Variants in DNM2 observed in about 807,000 individuals in gnomAD.
DNM2 encodes dynamin 2, also known as dynamin-2.
In DNM2, 15 loss-of-function variants were observed where a neutral mutation model predicts 99.0. That is an observed-to-expected ratio of 0.15 (90% confidence interval 0.10 to 0.23). The LOEUF is 0.23. Ranked by LOEUF, DNM2 falls within the 10% of genes least tolerant of loss-of-function variation. The pLI, the probability that DNM2 is intolerant of heterozygous loss-of-function variation, is 1.00. For synonymous variants in DNM2, 525 were observed against 481.2 expected, an observed-to-expected ratio of 1.09 and a Z score of -1.19; for missense variants, 742 against 1,189.4, an observed-to-expected ratio of 0.62 and a Z score of 5.53.
rs1409162046 is a variant in DNM2, at chr19:10,817,823, G to A, written c.1672-2157G>A. ...CACGTGTGTGTGTGTGTGTGCGCGC[G>A]CGCGCACGCGTGCGTGCCGGCAGCA... On this transcript the variant is annotated intron_variant, in intron 15 of 20. Coordinates refer to ENST00000389253, the MANE Select transcript of DNM2 (RefSeq NM_001005361.3). The surrounding 1 kb of genome is among the most constrained non-coding windows in gnomAD (Gnocchi z 4.6). Among the ~76,000 whole-genome samples the A allele has an allele frequency of 4.0e-5, 6 of 150,026 alleles. No homozygotes were observed. Among genetic ancestry groups the A allele is most frequent in the Non-Finnish European group, 5.9e-5 (4 of 67,328 alleles).
chr19:10,734,704 G>A (rs952240517), intron 1 of DNM2, among the ~76,000 whole-genome samples: 1 of 146,846 alleles, frequency 6.8e-6, no homozygotes, highest in African/African-American at 2.5e-5. Context: ...TTTCCCATAT[G>A]AGACTAATTT....
intron 1 of DNM2, among the ~76,000 whole-genome samples, chr19:10,731,901 C>A (rs879267322): frequency 6.6e-6 from 1 of 152,074 alleles, no homozygotes; most frequent in South Asian, 2.1e-4. Context: ...GGTGGGGAGG[C>A]CCCACCTGGA....
intron 7 of DNM2, among the ~76,000 whole-genome samples, chr19:10,787,302 C>CA (rs563551450): frequency 1.5e-4 from 22 of 147,688 alleles, no homozygotes; most frequent in African/African-American, 2.5e-4. Context: ...CCATCACTAC[C>CA]AAAAAAAAAA....
At chr19:10,754,472 T>C (rs926455272) in intron 1 of DNM2, among the ~76,000 whole-genome samples, 6 of 152,100 alleles carry the variant, frequency 3.9e-5, no homozygotes, top group Admixed American at 1.3e-4. Context: ...AGGATGGTCT[T>C]GATCTGCTGA....
chr19:10,781,769 A>G (rs1279246246), intron 5 of DNM2: 1 of 152,152 alleles, frequency 6.6e-6, no homozygotes, highest in African/African-American at 2.4e-5. Context: ...AACCCCACAA[A>G]ACAAAAACCT....
intron 16 of DNM2, 158 bp from the exon 17 acceptor site, chr19:10,823,630 C>T (rs896476247): frequency 4.5e-6 from 3 of 669,914 alleles, no homozygotes; most frequent in Admixed American, 2.2e-5. Context: ...TCTGTGTAGG[C>T]GTCACTCACG....
chr19:10,785,344 G>A (rs1328217883), intron 6 of DNM2, among the ~76,000 whole-genome samples: 1 of 151,502 alleles, frequency 6.6e-6, no homozygotes, highest in Non-Finnish European at 1.5e-5. Flanking sequence ...AGCTGGGATG[G>A]TCTTGATCTC....
At chr19:10,741,107 A>G (rs1248851243) in intron 1 of DNM2, among the ~76,000 whole-genome samples, 2 of 151,606 alleles carry the variant, frequency 1.3e-5, no homozygotes, top group Non-Finnish European at 2.9e-5. Context: ...CGTATTTTCT[A>G]TTTCCTTGTT....
intron 6 of DNM2, among the ~76,000 whole-genome samples, chr19:10,785,854 A>G (rs1189439603): frequency 1.3e-5 from 2 of 151,790 alleles, no homozygotes; most frequent in Non-Finnish European, 2.9e-5. Flanking sequence ...TCTGTCACCC[A>G]GGCTGGAGTG....
At position 10,775,508 on chromosome 19, in the gene DNM2, G is replaced by A. The variant is rs1017803196; in HGVS notation, c.386-195G>A. On this transcript the variant is annotated intron_variant, in intron 3 of 20. Transcript: ENST00000389253. This position sits in a 1 kb window ranked among gnomAD's most constrained non-coding sequence, Gnocchi z 4.3. ...GAACTGTGCCATTGAAATGGAGTAGGTAGAAGGTATCTGTAGGATGGGATC... is the reference window on the plus strand; with the variant it reads ...GAACTGTGCCATTGAAATGGAGTAGATAGAAGGTATCTGTAGGATGGGATC... 1.3e-5 allele frequency among the ~76,000 whole-genome samples: 2 copies of A among 152,204 alleles called. No homozygotes were observed. Among genetic ancestry groups the A allele is most frequent in the African/African-American group, 4.8e-5 (2 of 41,446 alleles).
chr19:10,754,442 G>A (rs1345242635), intron 1 of DNM2, among the ~76,000 whole-genome samples: 1 of 152,044 alleles, frequency 6.6e-6, no homozygotes, highest in African/African-American at 2.4e-5. Context: ...TAGTAGAGAC[G>A]GGGTTTTACC....
At chr19:10,825,445 C>T (rs1284825942) in intron 18 of DNM2, among the ~76,000 whole-genome samples, 2 of 152,070 alleles carry the variant, frequency 1.3e-5, no homozygotes, top group African/African-American at 2.4e-5. Context: ...CCAAGGCGGG[C>T]GGATCACGAG....
intron 1 of DNM2, among the ~76,000 whole-genome samples, chr19:10,757,814 G>A (rs368594787): frequency 4.0e-5 from 6 of 151,770 alleles, no homozygotes; most frequent in Non-Finnish European, 5.9e-5. Context: ...GCATGGTAGC[G>A]CGTGCATGTA....
At chr19:10,803,420 C>T (rs1421617492) in intron 12 of DNM2, among the ~76,000 whole-genome samples, 1 of 152,168 alleles carries the variant, frequency 6.6e-6, no homozygotes, top group Non-Finnish European at 1.5e-5. Context: ...CCTGACTGGG[C>T]CTCCCCTGCC....
chr19:10,760,197 CT>C (rs55799441), intron 2 of DNM2, among the ~76,000 whole-genome samples: 8,912 of 140,668 alleles, frequency 0.063, 474 homozygotes, highest in African/African-American at 0.14. Flanking sequence ...CCATGGCCAG[CT>C]TTTTTTTTTT....
chr19:10,812,400 G>T lies in DNM2; in HGVS notation c.1671+23G>T, dbSNP rs755962394. 19 of 1,581,512 alleles carry T rather than the reference G, an allele frequency of 1.2e-5. No individual in the cohort carries two copies. In the Middle Eastern group the frequency reaches 5.0e-4, roughly 42 times the overall value. On this transcript the variant is annotated intron_variant, in intron 15 of 20. Transcript: ENST00000389253. This position sits in a 1 kb window ranked among gnomAD's most constrained non-coding sequence, Gnocchi z 4.0. ...GAGGTGAGTGGCAGGCGGGAGCAGG[G>T]CTGCTGGGGTAGGTGGGGCAGCCAG...
chr19:10,815,164 G>T (rs182316048), intron 15 of DNM2, among the ~76,000 whole-genome samples: 1 of 152,166 alleles, frequency 6.6e-6, no homozygotes, highest in Admixed American at 6.5e-5. Flanking sequence ...CTGGCTCCGC[G>T]TCTCCTGTTG....
chr19:10,746,736 T>G (rs1330569368), intron 1 of DNM2, among the ~76,000 whole-genome samples: 8 of 137,450 alleles, frequency 5.8e-5, no homozygotes, highest in African/African-American at 2.3e-4. Context: ...TGTTTTTTGT[T>G]TTTTTTTTTT....
intron 1 of DNM2, among the ~76,000 whole-genome samples, chr19:10,729,407 C>T (rs1292023482): frequency 6.6e-6 from 1 of 152,030 alleles, no homozygotes; most frequent in Non-Finnish European, 1.5e-5. Context: ...GCGGTTTGCC[C>T]TGTACTGCAT....
Sources: gnomAD v4.1 joint callset for allele counts (sites outside exome capture counted in the v4.1 genomes callset) on GRCh38, gnomAD v4.1.1 for gene constraint, Gnocchi (gnomAD v3.1) non-coding constraint, MANE v1.5 for transcripts, NCBI Gene and HGNC (gene_info 2026-07-23, HGNC 2026-07-21) for gene names.